The following NIPAL2 variants were observed in gnomAD, a reference collection of about 807,000 sequenced individuals.
NIPAL2 encodes NIPA-like protein 2.
Under a neutral mutation model 48.9 loss-of-function variants are expected in NIPAL2, and 43 were observed. The ratio of observed to expected loss-of-function variants is 0.88; its 90% CI spans 0.69 to 1.13. NIPAL2 has a LOEUF of 1.13. Among genes scored for constraint, NIPAL2 ranks in the 50% most tolerant of loss-of-function variants. The pLI is 0.00. For synonymous variants in NIPAL2, 167 were observed against 174.6 expected, an observed-to-expected ratio of 0.96 and a Z score of 0.34; for missense variants, 446 against 461.4, an observed-to-expected ratio of 0.97 and a Z score of 0.31.
At chr8:98,258,264 T>C (rs149837763) in intron 1 of NIPAL2, among the ~76,000 whole-genome samples, 26 of 152,184 alleles carry the variant, frequency 1.7e-4, no homozygotes, top group South Asian at 6.2e-4. Flanking sequence ...GTTTAATGGG[T>C]ATAAAGCTGG....
chr8:98,245,610 A>C (rs182694935), intron 3 of NIPAL2, among the ~76,000 whole-genome samples: 2 of 152,370 alleles, frequency 1.3e-5, no homozygotes, highest in Admixed American at 1.3e-4. Context: ...CGTTAATGTT[A>C]AAGTTGAAAA....
At chr8:98,197,643 T>C (rs1038696560) in intron 8 of NIPAL2, among the ~76,000 whole-genome samples, 2 of 152,256 alleles carry the variant, frequency 1.3e-5, no homozygotes, top group Non-Finnish European at 2.9e-5. Context: ...ACTGAAATAT[T>C]CTAAATCCTT....
At chr8:98,219,364 G>A (rs1374830517) in intron 5 of NIPAL2, among the ~76,000 whole-genome samples, 1 of 152,064 alleles carries the variant, frequency 6.6e-6, no homozygotes, top group East Asian at 1.9e-4. Context: ...ATCAATAGAA[G>A]CAAGGCAGAG....
In NIPAL2 at chr8:98,222,696, G is replaced by C. The variant is rs1811961174; in HGVS notation, c.437-96C>G. The C allele has an allele frequency of 8.8e-6, 11 of 1,247,460 alleles. 2 individuals carry two copies. The South Asian group carries it at 1.5e-4, about 17-fold the overall frequency. The allele number at this position is 1,247,460 out of a possible 1,614,324, so 77.3% of individuals were successfully genotyped here. A position where few individuals can be genotyped will look rare whatever the true frequency, so the allele number is the denominator to read the frequency against. ...TAGAGACTGCGCATTACTTGTAAAA[G>C]TGCCAATCGCCCCTCCCTATTATAC... On this transcript the variant is annotated intron_variant, in intron 4 of 10. Transcript: ENST00000430223.
chr8:98,291,779 T>C (rs1248735777), intron 1 of NIPAL2, among the ~76,000 whole-genome samples: 2 of 152,198 alleles, frequency 1.3e-5, no homozygotes, highest in Non-Finnish European at 1.5e-5. Context: ...ACACAGCGTC[T>C]GAGTAGTGCA....
intron 1 of NIPAL2, among the ~76,000 whole-genome samples, chr8:98,275,246 C>CCCGTTATAGATATATCCTCTTT (rs1203671924): frequency 6.6e-6 from 1 of 152,008 alleles, no homozygotes; most frequent in African/African-American, 2.4e-5. Context: ...CTTGTATTAC[C>CCCGTTATAGATATATCCTCTTT]CCGTTATAGA....
At chr8:98,267,534 G>A (rs1272866380) in intron 1 of NIPAL2, among the ~76,000 whole-genome samples, 2 of 151,914 alleles carry the variant, frequency 1.3e-5, no homozygotes, top group African/African-American at 4.8e-5. Context: ...TTCCCAGGCT[G>A]GTCTCAAACA....
intron 1 of NIPAL2, among the ~76,000 whole-genome samples, chr8:98,276,067 A>C (rs1025090698): frequency 2.0e-5 from 3 of 152,198 alleles, no homozygotes; most frequent in Admixed American, 1.3e-4. Context: ...TACATTTGTT[A>C]CATTTCATGA....
chr8:98,212,546 G>T, intron 5 of NIPAL2, 45 bp from the exon 6 acceptor site: 1 of 983,872 alleles, frequency 1.0e-6, no homozygotes, highest in Non-Finnish European at 1.6e-6. Flanking sequence ...TCTATGCAAA[G>T]TCTTCAAAAT....
rs113149314 is a variant in NIPAL2, at chr8:98,193,368, A to G, written c.1040-278T>C. On this transcript the variant is annotated intron_variant, in intron 10 of 10. Transcript: ENST00000430223. ...AGGTGGGTTTAGTCTGGAGATTCACATGAAGCATTCACTCACCTCCAAGCC... is the reference window on the plus strand; with the variant it reads ...AGGTGGGTTTAGTCTGGAGATTCACGTGAAGCATTCACTCACCTCCAAGCC... 2.5e-5 allele frequency: 41 copies of G among 1,613,836 alleles called. 1 individual carries two copies. Among genetic ancestry groups the G allele is most frequent in the African/African-American group, 1.9e-4 (14 of 75,032 alleles).
intron 7 of NIPAL2, 64 bp from the exon 8 acceptor site, chr8:98,203,260 A>G (rs1341938730): frequency 1.8e-6 from 2 of 1,116,094 alleles, no homozygotes; most frequent in Non-Finnish European, 1.4e-6. Context: ...AGTTAACAAT[A>G]ACTTCAAGAA....
chr8:98,254,965 C>G (rs1813790986), intron 1 of NIPAL2, among the ~76,000 whole-genome samples: 1 of 152,204 alleles, frequency 6.6e-6, no homozygotes, highest in Non-Finnish European at 1.5e-5. Flanking sequence ...TTCTCAGATT[C>G]TAAGTGGTAA....
Position 98,217,338 on chromosome 8 carries a change from CGCACTATTATGAT to C in NIPAL2, c.559-4850_559-4838del, listed in dbSNP as rs374513600. On this transcript the variant is annotated intron_variant, in intron 5 of 10. Transcript: ENST00000430223. Reference sequence around the variant, plus strand: ...GGGGTTGATGTGAGCCAGTGGGTGCCGCACTATTATGATTCCTTTTGTGAGAAATATAAAATGT... The same window carrying C: ...GGGGTTGATGTGAGCCAGTGGGTGCCTCCTTTTGTGAGAAATATAAAATGT... 1.1e-4 allele frequency: 105 copies of C among 914,512 alleles called. No individual in the cohort carries two copies. In the South Asian group the frequency reaches 3.3e-3, roughly 28 times the overall value. 56.6% of individuals were successfully genotyped at this position (914,512 alleles called of 1,614,324 possible).
rs557361778 is a variant in NIPAL2 at position 98,189,921 on chromosome 8, A to G, written c.*3057T>C. On this transcript the variant is annotated 3_prime_UTR_variant, in exon 11 of 11. Coordinates refer to ENST00000430223, the MANE Select transcript of NIPAL2 (RefSeq NM_001321635.2). ...AGGGCAAGCAAACATTTAAGCCAAA[A>G]AACAATCATATGGCAAAGGCCTCTG... 3 of 152,348 alleles carry G rather than the reference A, an allele frequency of 2.0e-5. No homozygotes were observed. The highest frequency in any genetic ancestry group is 3.9e-4 in the East Asian group (2 of 5,190). 9.4% of individuals were successfully genotyped at this position (152,348 alleles called of 1,614,324 possible).
Position 98,252,619 on chromosome 8 carries a change from G to A in NIPAL2, c.220C>T (p.Gln74Ter). ...SLNIQKYSHL[Q>*]LAQQEHPRPY... ...CTTGGGTGCTCTTGTTGTGCCAGCT[G>A]AAGGTGAGAATATTTCTGAAAGTAA... The change falls in exon 3 of 11, where the codon CAG (glutamine) becomes TAG (stop). Residue 74 changes from glutamine (Q) to a stop codon, truncating the protein, a stop_gained. Coordinates refer to ENST00000430223, the MANE Select transcript of NIPAL2 (RefSeq NM_001321635.2). LOFTEE classifies it high-confidence loss of function. The A allele has an allele frequency of 1.9e-6, 3 of 1,611,804 alleles. No individual in the cohort carries two copies. Among genetic ancestry groups the A allele is most frequent in the Non-Finnish European group, 2.5e-6 (3 of 1,179,370 alleles).
chr8:98,201,578 C>T (rs1810802449), intron 8 of NIPAL2, among the ~76,000 whole-genome samples: 1 of 151,982 alleles, frequency 6.6e-6, no homozygotes, highest in African/African-American at 2.4e-5. Flanking sequence ...TTAGAGATGA[C>T]ATCTTGCTAT....
chr8:98,256,021 ATTT>A (rs543809759), intron 1 of NIPAL2, among the ~76,000 whole-genome samples: 3 of 146,796 alleles, frequency 2.0e-5, no homozygotes, highest in Admixed American at 6.8e-5. Flanking sequence ...TTAAAAACTT[ATTT>A]TTTTTTTTTG....
At chr8:98,221,941 C>A (rs998269529) in intron 5 of NIPAL2, among the ~76,000 whole-genome samples, 3 of 152,130 alleles carry the variant, frequency 2.0e-5, no homozygotes, top group Non-Finnish European at 4.4e-5. Context: ...TGGGTATATA[C>A]CCAAAGGATT....
intron 3 of NIPAL2, among the ~76,000 whole-genome samples, chr8:98,240,888 A>C (rs1232047730): frequency 6.6e-6 from 1 of 152,120 alleles, no homozygotes; most frequent in Non-Finnish European, 1.5e-5. Context: ...TCTGTCCAGA[A>C]CCAGCTATGG....
Sources: gnomAD v4.1 joint callset for allele counts (sites outside exome capture counted in the v4.1 genomes callset) on GRCh38, gnomAD v4.1.1 for gene constraint, MANE v1.5 for transcripts, NCBI Gene and HGNC (gene_info 2026-07-23, HGNC 2026-07-21) for gene names.